SLC22A24: variants seen among roughly 807,000 people sequenced by gnomAD.
SLC22A24 encodes steroid transmembrane transporter SLC22A24.
Under a neutral mutation model 49.8 loss-of-function variants are expected in SLC22A24, and 53 were observed. That is an observed-to-expected ratio of 1.06 (90% CI 0.85 to 1.34). SLC22A24 has a LOEUF of 1.34. SLC22A24 is among the 40% of genes most tolerant of loss of function. The pLI is 0.00. For missense variants in SLC22A24, 786 were observed against 675.9 expected (o/e 1.16, Z -1.81); for synonymous variants, 302 against 256.4 (o/e 1.18, Z -1.70).
At chr11:63,115,237 G>A (rs1455279808) in intron 4 of SLC22A24, among the ~76,000 whole-genome samples, 3 of 152,192 alleles carry the variant, frequency 2.0e-5, no homozygotes, top group Non-Finnish European at 4.4e-5. Context: ...GAGCTTCCTG[G>A]CCACTTTATT....
chr11:63,098,764 A>G (rs969516095), intron 5 of SLC22A24, among the ~76,000 whole-genome samples: 1 of 152,188 alleles, frequency 6.6e-6, no homozygotes, highest in East Asian at 1.9e-4. Flanking sequence ...AACCCCCAAA[A>G]TAGTAGAAGT....
chr11:63,129,884 G>C (rs2087321179), intron 2 of SLC22A24, among the ~76,000 whole-genome samples: 1 of 152,126 alleles, frequency 6.6e-6, no homozygotes, highest in Non-Finnish European at 1.5e-5. Flanking sequence ...TGGCTGAGAT[G>C]ATGGGTTTTC....
intron 4 of SLC22A24, among the ~76,000 whole-genome samples, chr11:63,109,060 T>C (rs1271548130): frequency 6.8e-6 from 1 of 146,122 alleles, no homozygotes; most frequent in Non-Finnish European, 1.5e-5. Context: ...TGTGTTCTCA[T>C]TGTTCAGTTC....
chr11:63,083,879 A>T (rs2086973162), intron 6 of SLC22A24, among the ~76,000 whole-genome samples: 1 of 152,196 alleles, frequency 6.6e-6, no homozygotes, highest in South Asian at 2.1e-4. Context: ...GTTTCTTTGC[A>T]GCAGTTCAGC....
chr11:63,132,938 T>G (rs1338350221), intron 2 of SLC22A24, among the ~76,000 whole-genome samples: 1 of 152,178 alleles, frequency 6.6e-6, no homozygotes, highest in African/African-American at 2.4e-5. Context: ...CAGTAGTCCT[T>G]ACGGAGCTAC....
At chr11:63,113,101 T>C (rs190673564) in intron 4 of SLC22A24, among the ~76,000 whole-genome samples, 1 of 2,854 alleles carries the variant, frequency 3.5e-4, no homozygotes, top group African/African-American at 4.2e-4. Flanking sequence ...CATATATATA[T>C]ACATATATAT....
intron 1 of SLC22A24, among the ~76,000 whole-genome samples, chr11:63,138,848 C>G (rs915606136): frequency 9.2e-5 from 14 of 151,954 alleles, no homozygotes; most frequent in Admixed American, 2.6e-4. Context: ...GTTTTTTCCC[C>G]CCCATGGATA....
intron 2 of SLC22A24, among the ~76,000 whole-genome samples, chr11:63,126,291 G>C (rs933830059): frequency 6.6e-6 from 1 of 152,096 alleles, no homozygotes; most frequent in East Asian, 1.9e-4. Context: ...TATGGTTTTA[G>C]GTCTTACTTT....
rs376649497 is a variant in SLC22A24, at chr11:63,080,941, G to A, written c.1577C>T (p.Thr526Ile). 2.6e-6 allele frequency: 4 copies of A among 1,552,006 alleles called. No homozygotes were observed. In the African/African-American group the frequency reaches 5.5e-5, roughly 21 times the overall value. ...TCACTCATTTTCCACATCCTGGATG[G>A]TGTTAGGAAGAGGTAGATCCCTGGT... is the stretch of plus-strand genomic sequence containing the variant. Reference protein sequence around the residue: ...PETRDLPLPNTIQDVENDRKD... With the variant: ...PETRDLPLPNIIQDVENDRKD... The change falls in exon 9 of 10, where the codon ACC becomes ATC. Residue 526 changes from threonine (T) to isoleucine (I), a missense_variant. Coordinates refer to ENST00000612278, the MANE Select transcript of SLC22A24 (RefSeq NM_001136506.2).
At chr11:63,134,961 T>G (rs929950656) in intron 1 of SLC22A24, among the ~76,000 whole-genome samples, 193 bp from the exon 2 acceptor site, 1 of 152,284 alleles carries the variant, frequency 6.6e-6, no homozygotes, top group East Asian at 1.9e-4. Context: ...ATTTCAACTT[T>G]TCAAATGCAT....
At chr11:63,096,205 ATCC>A in intron 5 of SLC22A24, 99 bp from the exon 6 acceptor site, 1 of 735,550 alleles carries the variant, frequency 1.4e-6, no homozygotes, top group East Asian at 2.8e-5. Context: ...ATTGTAAACT[ATCC>A]TCAAGGAAAT....
rs550671033 is a variant in SLC22A24 at position 63,114,105 on chromosome 11, G to A, written c.830+4807C>T. Among the ~76,000 whole-genome samples the A allele has an allele frequency of 1.0e-3, 153 of 152,116 alleles. 2 individuals are homozygous for A. The highest frequency in any genetic ancestry group is 8.7e-3 in the South Asian group (42 of 4,812). ...TCTGTATTTCCTGAATTTGAATGTTGGCCCTCCTTTCTGGGTTGGGGAAAT... is the reference window on the plus strand; with the variant it reads ...TCTGTATTTCCTGAATTTGAATGTTAGCCCTCCTTTCTGGGTTGGGGAAAT... On this transcript the variant is annotated intron_variant, in intron 4 of 9. Transcript: ENST00000612278.
chr11:63,109,759 A>T (rs915313943), intron 4 of SLC22A24, among the ~76,000 whole-genome samples: 3 of 152,130 alleles, frequency 2.0e-5, no homozygotes, highest in African/African-American at 7.2e-5. Flanking sequence ...CCTTTGTCAG[A>T]TGAGTAGGTG....
rs542729720 is a variant in SLC22A24, at chr11:63,103,232, A to G, written c.954+943T>C. On this transcript the variant is annotated intron_variant, in intron 5 of 9. Coordinates refer to ENST00000612278, the MANE Select transcript of SLC22A24 (RefSeq NM_001136506.2). Reference sequence around the variant, plus strand: ...CTTTCAGGACTGACATGTATTTATTAGTTTTGCTTATACCAACCAGTTCAT... The same window carrying G: ...CTTTCAGGACTGACATGTATTTATTGGTTTTGCTTATACCAACCAGTTCAT... 2.8e-4 allele frequency among the ~76,000 whole-genome samples: 42 copies of G among 152,168 alleles called. No individual in the cohort carries two copies. In the South Asian group the frequency reaches 5.6e-3, roughly 20 times the overall value.
chr11:63,140,313 C>G (rs2087406924), intron 1 of SLC22A24, among the ~76,000 whole-genome samples: 1 of 151,990 alleles, frequency 6.6e-6, no homozygotes, highest in Non-Finnish European at 1.5e-5. Flanking sequence ...ATCTCTTGAC[C>G]TCATGATCTG....
intron 4 of SLC22A24, among the ~76,000 whole-genome samples, chr11:63,105,561 G>A (rs1213296436): frequency 6.6e-6 from 1 of 152,190 alleles, no homozygotes; most frequent in Non-Finnish European, 1.5e-5. Context: ...TGCATCCTCT[G>A]AAGCCACAGC....
intron 2 of SLC22A24, among the ~76,000 whole-genome samples, chr11:63,131,983 C>G (rs932371097): frequency 3.9e-5 from 6 of 152,084 alleles, no homozygotes; most frequent in African/African-American, 1.4e-4. Context: ...CATTTCTTTT[C>G]ACTCTTTTTT....
intron 2 of SLC22A24, among the ~76,000 whole-genome samples, chr11:63,124,273 G>A (rs911796053): frequency 5.3e-5 from 8 of 152,116 alleles, no homozygotes; most frequent in Admixed American, 2.6e-4. Context: ...AAGTGCAGTG[G>A]AATACTGTTG....
At chr11:63,104,710 A>C (rs1168054393) in intron 4 of SLC22A24, among the ~76,000 whole-genome samples, 1 of 152,166 alleles carries the variant, frequency 6.6e-6, no homozygotes, top group Admixed American at 6.6e-5. Context: ...CATGAGACTT[A>C]TTCACTACCA....
Sources: allele counts gnomAD v4.1 joint callset (sites outside exome capture counted in the v4.1 genomes callset), GRCh38; gene constraint gnomAD v4.1.1; transcripts MANE v1.5; gene names NCBI Gene and HGNC (gene_info 2026-07-23, HGNC 2026-07-21).